The following SYN3 variants were observed in gnomAD, a reference collection of about 807,000 sequenced individuals.
SYN3 encodes synapsin III.
SYN3 carries 35 observed loss-of-function variants against 65.8 expected under a neutral mutation model. The observed-to-expected ratio is 0.53, with a 90% CI of 0.41 to 0.70. SYN3 has a LOEUF of 0.70. Ranked by LOEUF, SYN3 falls within the 30% of genes least tolerant of loss-of-function variation. The pLI, the probability that SYN3 is intolerant of heterozygous loss-of-function variation, is 0.00. For synonymous variants in SYN3, 270 were observed against 292.9 expected (o/e 0.92, Z 0.80); for missense variants, 680 against 749.0 (o/e 0.91, Z 1.08).
chr22:32,603,449 G>T (rs2146633095), intron 6 of SYN3, among the ~76,000 whole-genome samples: 1 of 151,542 alleles, frequency 6.6e-6, no homozygotes, highest in African/African-American at 2.4e-5. Flanking sequence ...CAATCCAGGA[G>T]GTGGAGCTTT....
intron 2 of SYN3, among the ~76,000 whole-genome samples, chr22:32,995,465 T>G (rs1165667964): frequency 1.3e-5 from 2 of 152,214 alleles, no homozygotes; most frequent in African/African-American, 2.4e-5. Flanking sequence ...GTATTTTTAT[T>G]TGCTAAATCT....
intron 6 of SYN3, among the ~76,000 whole-genome samples, chr22:32,648,800 G>A (rs2060020593): frequency 6.6e-6 from 1 of 152,142 alleles, no homozygotes; most frequent in Non-Finnish European, 1.5e-5. Flanking sequence ...CAACTAAGAT[G>A]GACAATTATG....
chr22:32,983,088 T>C (rs902546849), intron 2 of SYN3, among the ~76,000 whole-genome samples: 8 of 152,236 alleles, frequency 5.3e-5, no homozygotes, highest in Admixed American at 1.3e-4. Flanking sequence ...ATTGGTATGA[T>C]GACACTAATA....
At chr22:32,921,192 C>T (rs1015885657) in intron 4 of SYN3, among the ~76,000 whole-genome samples, 1 of 152,134 alleles carries the variant, frequency 6.6e-6, no homozygotes, top group African/African-American at 2.4e-5. Flanking sequence ...TACCCAATGT[C>T]TGAAGTGGTC....
intron 1 of SYN3, among the ~76,000 whole-genome samples, chr22:33,031,110 G>A (rs571925475): frequency 1.3e-5 from 2 of 152,342 alleles, no homozygotes; most frequent in Admixed American, 1.3e-4. Flanking sequence ...ACGGCCCCCT[G>A]CCTAAGGCAG....
At chr22:32,649,646 A>T (rs1472706419) in intron 6 of SYN3, among the ~76,000 whole-genome samples, 2 of 152,166 alleles carry the variant, frequency 1.3e-5, no homozygotes, top group Admixed American at 1.3e-4. Flanking sequence ...GCTGGGCCCA[A>T]GGCTGGTCCC....
intron 1 of SYN3, among the ~76,000 whole-genome samples, chr22:33,017,007 CCT>C (rs1196076030): frequency 6.6e-6 from 1 of 152,120 alleles, no homozygotes; most frequent in African/African-American, 2.4e-5. Context: ...GAATTTTCCC[CCT>C]TTGTTTTCTT....
intron 7 of SYN3, among the ~76,000 whole-genome samples, chr22:32,556,775 AC>A (rs1298353438): frequency 8.5e-6 from 1 of 117,404 alleles, no homozygotes; most frequent in Admixed American, 8.1e-5. Flanking sequence ...TGACCCAATG[AC>A]CCAATGACCC....
rs772673421 is a variant in SYN3, at chr22:32,518,109, T to C, written c.1544A>G (p.Gln515Arg). Residue 515 changes from glutamine (Q) to arginine (R), a missense_variant, in exon 13 of 14, where the codon CAG (glutamine) becomes CGG (arginine). By Grantham distance (43) the Gln-to-Arg change is conservative. Transcript: ENST00000358763. Reference protein sequence around the residue: ...TLASQPRPPVQGRSTSQQGEE... With the variant: ...TLASQPRPPVRGRSTSQQGEE... ...ACCCTGCTGGGAGGTACTACGGCCCTGCACAGGGGGCCGGGGCTGTGAGGC... is the reference window on the plus strand; with the variant it reads ...ACCCTGCTGGGAGGTACTACGGCCCCGCACAGGGGGCCGGGGCTGTGAGGC... 3 of 1,587,750 alleles carry C rather than the reference T, an allele frequency of 1.9e-6. No homozygotes were observed. The South Asian group carries it at 3.5e-5, about 18-fold the overall frequency.
intron 6 of SYN3, among the ~76,000 whole-genome samples, chr22:32,812,813 C>T (rs2046950530): frequency 2.0e-5 from 3 of 152,226 alleles, no homozygotes; most frequent in Non-Finnish European, 4.4e-5. Context: ...TCACTATCTG[C>T]TCCCCTGACA....
At chr22:32,655,015 A>C (rs2060122952) in intron 6 of SYN3, among the ~76,000 whole-genome samples, 1 of 152,234 alleles carries the variant, frequency 6.6e-6, no homozygotes, top group African/African-American at 2.4e-5. Context: ...TAAGACTTGA[A>C]ATCACATGAC....
chr22:32,843,039 T>C (rs753593885), intron 6 of SYN3, among the ~76,000 whole-genome samples: 30 of 152,182 alleles, frequency 2.0e-4, no homozygotes, highest in Non-Finnish European at 3.4e-4. Flanking sequence ...TGAAATCCCA[T>C]GTAAAGGTTT....
intron 6 of SYN3, among the ~76,000 whole-genome samples, chr22:32,607,841 C>A (rs1024640226): frequency 1.3e-5 from 2 of 152,220 alleles, no homozygotes; most frequent in African/African-American, 4.8e-5. Flanking sequence ...GGGTGACACT[C>A]ACCATGCAGA....
At chr22:32,726,130 A>G (rs930719580) in intron 6 of SYN3, among the ~76,000 whole-genome samples, 7 of 145,584 alleles carry the variant, frequency 4.8e-5, no homozygotes, top group Admixed American at 1.4e-4. Context: ...AATAATAACT[A>G]GTAATCCAGT....
intron 3 of SYN3, 92 bp downstream of exon 3, chr22:32,980,553 C>A: frequency 8.5e-7 from 1 of 1,181,254 alleles, no homozygotes; most frequent in Non-Finnish European, 1.3e-6. Flanking sequence ...CTCATTATGA[C>A]CACATAAGAT....
At chr22:32,717,965 G>C (rs2061061553) in intron 6 of SYN3, among the ~76,000 whole-genome samples, 1 of 152,208 alleles carries the variant, frequency 6.6e-6, no homozygotes, top group African/African-American at 2.4e-5. Context: ...TTAAGAATGA[G>C]GCTCTCTGTA....
intron 6 of SYN3, among the ~76,000 whole-genome samples, chr22:32,714,513 C>T (rs2061009714): frequency 6.6e-6 from 1 of 151,962 alleles, no homozygotes; most frequent in Admixed American, 6.6e-5. Context: ...GGAATGCCAG[C>T]CCATAGCAGA....
At chr22:32,938,076 T>G (rs1321574257) in intron 3 of SYN3, among the ~76,000 whole-genome samples, 1 of 151,986 alleles carries the variant, frequency 6.6e-6, no homozygotes, top group Admixed American at 6.6e-5. Context: ...ATAACCAACT[T>G]ATTAAAAACC....
rs57832939 is a variant in SYN3 at position 32,945,030 on chromosome 22, C to T, written c.370-13549G>A. 6.6e-5 allele frequency among the ~76,000 whole-genome samples: 10 copies of T among 152,060 alleles called. No individual in the cohort carries two copies. In the East Asian group the frequency reaches 7.8e-4, roughly 12 times the overall value. On this transcript the variant is annotated intron_variant, in intron 3 of 13. Coordinates refer to ENST00000358763, the MANE Select transcript of SYN3 (RefSeq NM_003490.4). ...AGGAGAACTACAAACCACTGCTCAA[C>T]GAAATAAAGGAGGACACAAACAAAT...
Sources: gnomAD v4.1 joint callset for allele counts (sites outside exome capture counted in the v4.1 genomes callset) on GRCh38, gnomAD v4.1.1 for gene constraint, MANE v1.5 for transcripts, NCBI Gene and HGNC (gene_info 2026-07-23, HGNC 2026-07-21) for gene names.